Variants in CPE observed in about 807,000 individuals in gnomAD.
The protein encoded by CPE is carbocypeptidase E.
CPE carries 17 observed loss-of-function variants against 53.5 expected under a neutral mutation model. The observed-to-expected ratio is 0.32, with a 90% confidence interval of 0.22 to 0.48. The LOEUF is 0.48. CPE is among the 20% of genes least tolerant of loss of function. The pLI is 0.99. For missense variants in CPE, 524 were observed against 614.7 expected (o/e 0.85, Z 1.56); for synonymous variants, 226 against 228.8 (o/e 0.99, Z 0.11).
chr4:165,390,822 T>C (rs750496019), intron 1 of CPE, among the ~76,000 whole-genome samples: 7 of 152,220 alleles, frequency 4.6e-5, no homozygotes, highest in South Asian at 2.1e-4. Context: ...ATATTCATTT[T>C]ACTCATGTGT....
In CPE at chr4:165,443,390, T is replaced by C. The variant is rs910093213; in HGVS notation, c.308-21000T>C. 5.3e-5 allele frequency among the ~76,000 whole-genome samples: 8 copies of C among 152,220 alleles called. No homozygotes were observed. In the South Asian group the frequency reaches 6.2e-4, roughly 12 times the overall value. On this transcript the variant is annotated intron_variant, in intron 1 of 8. Coordinates refer to ENST00000402744, the MANE Select transcript of CPE (RefSeq NM_001873.4). ...TTATTTCATCTTCCCAGTGATTCTA[T>C]TGTATTGCTTTGCTAAGGCCACCAT... is the stretch of plus-strand genomic sequence containing the variant.
At chr4:165,493,090 G>T in intron 6 of CPE, 81 bp from the exon 7 acceptor site, 1 of 839,254 alleles carries the variant, frequency 1.2e-6, no homozygotes, top group Non-Finnish European at 1.9e-6. Context: ...ATAAAGAGAT[G>T]CTTGATATGA....
chr4:165,430,199 A>G (rs1731385735), intron 1 of CPE, among the ~76,000 whole-genome samples: 1 of 152,210 alleles, frequency 6.6e-6, no homozygotes, highest in African/African-American at 2.4e-5. Context: ...GTAAGTAACC[A>G]TACGTAGCCA....
intron 1 of CPE, among the ~76,000 whole-genome samples, chr4:165,409,383 T>C (rs1731001039): frequency 6.6e-6 from 1 of 152,156 alleles, no homozygotes; most frequent in African/African-American, 2.4e-5. Flanking sequence ...TTTGTATTTT[T>C]AGTAGAGACA....
At position 165,484,577 on chromosome 4, in the gene CPE, G is replaced by C. The variant is rs764215950; in HGVS notation, c.946G>C (p.Gly316Arg). 6.2e-7 allele frequency: 1 copy of C among 1,613,874 alleles called. No individual in the cohort carries two copies. The highest frequency in any genetic ancestry group is 1.3e-5 in the African/African-American group (1 of 74,904). ...CAGCTTTGTAGATGGAACCACCAACGGTGGTGCTTGGTACAGCGTACCTGG... is the reference window on the plus strand; with the variant it reads ...CAGCTTTGTAGATGGAACCACCAACCGTGGTGCTTGGTACAGCGTACCTGG... ...DSSFVDGTTN[G>R]GAWYSVPGGM... The change falls in exon 5 of 9, where the codon GGT becomes CGT. Residue 316 changes from glycine to arginine, a missense_variant. Coordinates refer to ENST00000402744, the MANE Select transcript of CPE (RefSeq NM_001873.4).
intron 5 of CPE, among the ~76,000 whole-genome samples, 187 bp downstream of exon 5, chr4:165,484,791 T>C (rs903159933): frequency 6.6e-6 from 1 of 152,202 alleles, no homozygotes; most frequent in Admixed American, 6.5e-5. Flanking sequence ...TAATTTTGTT[T>C]TTGTGGATTT....
intron 1 of CPE, among the ~76,000 whole-genome samples, chr4:165,460,840 AGGTGACACACT>A (rs1190574417): frequency 2.6e-5 from 4 of 152,164 alleles, no homozygotes; most frequent in African/African-American, 9.7e-5. Flanking sequence ...GTGGGGGCAC[AGGTGACACACT>A]GGTGAGCTAA....
In CPE at chr4:165,428,986, T is replaced by G. The variant is rs533288770; in HGVS notation, c.308-35404T>G. 4.6e-5 allele frequency among the ~76,000 whole-genome samples: 7 copies of G among 152,330 alleles called. No individual in the cohort carries two copies. The South Asian group carries it at 1.2e-3, about 27-fold the overall frequency. On this transcript the variant is annotated intron_variant, in intron 1 of 8. Transcript: ENST00000402744. ...GGATATCTGTTGAGAGGCCATTTTT[T>G]CAGCCTACCACACTAATCTTTACTC...
intron 8 of CPE, 91 bp downstream of exon 8, chr4:165,495,768 G>A (rs927267307): frequency 3.7e-5 from 32 of 869,930 alleles, no homozygotes; most frequent in African/African-American, 2.9e-4. Context: ...TTTAATCTTC[G>A]TACTAGCCCT....
chr4:165,473,838 C>A (rs540160803), intron 3 of CPE, among the ~76,000 whole-genome samples: 10 of 152,358 alleles, frequency 6.6e-5, no homozygotes, highest in African/African-American at 2.4e-4. Flanking sequence ...TATAATTTTA[C>A]TCCTCCAGGA....
intron 1 of CPE, among the ~76,000 whole-genome samples, chr4:165,415,536 G>A (rs537488806): frequency 7.2e-4 from 109 of 151,992 alleles, no homozygotes; most frequent in Non-Finnish European, 1.3e-3. Context: ...AAGCTTTTTG[G>A]TAAACATTTA....
chr4:165,395,665 A>G (rs1730751477), intron 1 of CPE, among the ~76,000 whole-genome samples: 1 of 152,224 alleles, frequency 6.6e-6, no homozygotes, highest in South Asian at 2.1e-4. Flanking sequence ...AGAACTTGAA[A>G]TCATAAATTC....
Position 165,384,165 on chromosome 4 carries a change from C to T in CPE, c.307+4637C>T, listed in dbSNP as rs145763865. Among the ~76,000 whole-genome samples the T allele has an allele frequency of 5.5e-4, 83 of 152,272 alleles. No homozygotes were observed. The East Asian group carries it at 0.013, about 24-fold the overall frequency. The stretch of plus-strand genomic sequence containing the variant: ...TCTTGTAACGGGTGACACATTAACC[C>T]AGCTTTTCTCAAAATATATTCCATA... On this transcript the variant is annotated intron_variant, in intron 1 of 8. Transcript: ENST00000402744.
chr4:165,433,494 A>G (rs1731445986), intron 1 of CPE, among the ~76,000 whole-genome samples: 2 of 152,122 alleles, frequency 1.3e-5, no homozygotes, highest in African/African-American at 4.8e-5. Flanking sequence ...TTATCCTCTC[A>G]GCCCCTCCAA....
At chr4:165,416,309 C>A (rs28409044) in intron 1 of CPE, among the ~76,000 whole-genome samples, 47,281 of 152,014 alleles carry the variant, frequency 0.31, 7,440 homozygotes, top group Middle Eastern at 0.41. Context: ...ATTCACCTGC[C>A]CCTCTGGGGG....
intron 1 of CPE, among the ~76,000 whole-genome samples, chr4:165,441,844 T>C (rs1310956878): frequency 6.6e-6 from 1 of 152,234 alleles, no homozygotes; most frequent in East Asian, 1.9e-4. Context: ...TGGTAAATGC[T>C]TCTAATCATG....
chr4:165,419,779 T>C (rs1184147331), intron 1 of CPE, among the ~76,000 whole-genome samples: 1 of 152,158 alleles, frequency 6.6e-6, no homozygotes, highest in African/African-American at 2.4e-5. Flanking sequence ...CAGAAGAGAT[T>C]CTGATTCAAA....
intron 1 of CPE, among the ~76,000 whole-genome samples, chr4:165,412,567 A>G (rs568888400): frequency 6.6e-6 from 1 of 152,310 alleles, no homozygotes; most frequent in South Asian, 2.1e-4. Flanking sequence ...CAGAGTTTTC[A>G]TAGTCAGGAA....
intron 1 of CPE, 54 bp from the exon 2 acceptor site, chr4:165,464,336 A>C: frequency 7.3e-7 from 1 of 1,373,684 alleles, no homozygotes; most frequent in Non-Finnish European, 9.9e-7. Flanking sequence ...TATACAATAT[A>C]TTTGGCTCTG....
Sources: gnomAD v4.1 joint callset for allele counts (sites outside exome capture counted in the v4.1 genomes callset) on GRCh38, gnomAD v4.1.1 for gene constraint, MANE v1.5 for transcripts, NCBI Gene and HGNC (gene_info 2026-07-23, HGNC 2026-07-21) for gene names.